JAK1: variants seen among roughly 807,000 people sequenced by gnomAD.
JAK1 encodes Janus kinase 1.
A neutral mutation model predicts 136.6 loss-of-function variants in JAK1; 16 were observed. That is an observed-to-expected ratio of 0.12 (90% CI 0.08 to 0.18). The LOEUF (loss-of-function observed/expected upper bound fraction) is 0.18. Among genes scored for constraint, JAK1 ranks in the 10% least tolerant of loss-of-function variants. JAK1 has a pLI of 1.00. For synonymous variants in JAK1, 492 were observed against 519.5 expected (o/e 0.95, Z 0.72); for missense variants, 859 against 1,450.1 (o/e 0.59, Z 6.62).
At chr1:65,057,542 A>G (rs1647601245) in intron 1 of JAK1, among the ~76,000 whole-genome samples, 1 of 151,954 alleles carries the variant, frequency 6.6e-6, no homozygotes, top group Non-Finnish European at 1.5e-5. Flanking sequence ...CTCTACTAAA[A>G]ATTTGCAGGT....
chr1:64,939,736 T>C (rs1645854687), intron 1 of JAK1, among the ~76,000 whole-genome samples: 1 of 152,170 alleles, frequency 6.6e-6, no homozygotes, highest in South Asian at 2.1e-4. Context: ...GGTTTCATTC[T>C]GCACTCTGAA....
At chr1:65,061,297 G>C (rs757528791) in intron 1 of JAK1, among the ~76,000 whole-genome samples, 40 of 152,220 alleles carry the variant, frequency 2.6e-4, no homozygotes, top group Admixed American at 1.4e-3. Context: ...AGCTACTTTG[G>C]AGGCTGAGGT....
intron 2 of JAK1, among the ~76,000 whole-genome samples, chr1:64,999,547 G>A (rs1320161641): frequency 6.6e-6 from 1 of 152,078 alleles, no homozygotes; most frequent in Non-Finnish European, 1.5e-5. Context: ...AGACCAGCCT[G>A]GGCAACATAG....
At chr1:65,042,626 A>T (rs1291751066) in intron 2 of JAK1, among the ~76,000 whole-genome samples, 1 of 152,172 alleles carries the variant, frequency 6.6e-6, no homozygotes, top group Non-Finnish European at 1.5e-5. Context: ...GCTGTCTTTG[A>T]TGCGGGTCCA....
intron 1 of JAK1, among the ~76,000 whole-genome samples, chr1:65,050,980 G>A (rs1473395363): frequency 2.6e-5 from 4 of 152,014 alleles, no homozygotes; most frequent in Non-Finnish European, 5.9e-5. Context: ...GTACACAGGC[G>A]CTCAACAAAT....
At chr1:64,954,704 A>C (rs1646151161) in intron 1 of JAK1, among the ~76,000 whole-genome samples, 1 of 152,258 alleles carries the variant, frequency 6.6e-6, no homozygotes, top group Admixed American at 6.5e-5. Flanking sequence ...AATATAAAAG[A>C]TATATACAAC....
intron 1 of JAK1, among the ~76,000 whole-genome samples, chr1:64,924,770 C>T (rs1434212534): frequency 6.6e-6 from 1 of 152,164 alleles, no homozygotes; most frequent in East Asian, 1.9e-4. Flanking sequence ...GCCACAAACA[C>T]CTTTATAGGA....
At chr1:64,997,762 C>G (rs1646716989) in intron 2 of JAK1, among the ~76,000 whole-genome samples, 1 of 152,106 alleles carries the variant, frequency 6.6e-6, no homozygotes, top group South Asian at 2.1e-4. Context: ...CCAGAACATA[C>G]AGAGTCCTGG....
intron 1 of JAK1, among the ~76,000 whole-genome samples, chr1:64,904,906 C>T (rs1352446069): frequency 2.0e-5 from 3 of 152,042 alleles, no homozygotes; most frequent in African/African-American, 2.4e-5. Context: ...GAAGGTAATG[C>T]CCGGAAAAAG....
At chr1:65,065,976 C>A (rs1267008567) in intron 1 of JAK1, among the ~76,000 whole-genome samples, 2 of 151,818 alleles carry the variant, frequency 1.3e-5, no homozygotes, top group Middle Eastern at 3.4e-3. Context: ...CAGATCACAA[C>A]TTGCCGGGGG....
chr1:64,980,781 T>G (rs767756775), intron 2 of JAK1, among the ~76,000 whole-genome samples: 1 of 149,392 alleles, frequency 6.7e-6, no homozygotes, highest in Non-Finnish European at 1.5e-5. Context: ...TGTCCGAGAG[T>G]TCTCATTGTT....
intron 2 of JAK1, among the ~76,000 whole-genome samples, chr1:64,997,978 T>C (rs1037287307): frequency 6.6e-6 from 1 of 152,152 alleles, no homozygotes; most frequent in African/African-American, 2.4e-5. Flanking sequence ...CAAATGACTA[T>C]ACAAACTTTT....
At chr1:64,905,582 T>C (rs1645177708) in intron 1 of JAK1, among the ~76,000 whole-genome samples, 1 of 152,128 alleles carries the variant, frequency 6.6e-6, no homozygotes, top group Non-Finnish European at 1.5e-5. Context: ...ACCCTCCCTG[T>C]CTTCACTCCC....
chr1:64,845,481 TG>T, intron 15 of JAK1, 31 bp downstream of exon 15: 3 of 1,613,662 alleles, frequency 1.9e-6, no homozygotes, highest in Non-Finnish European at 2.5e-6. Flanking sequence ...TGGTTTCTGG[TG>T]GGACCATTAT....
At position 64,839,687 on chromosome 1, in the gene JAK1, C is replaced by T. The variant is rs771621700; in HGVS notation, c.2758G>A (p.Ala920Thr). Residue 920 changes from alanine to threonine, a missense_variant, in exon 20 of 25, where the codon GCT becomes ACT. Around this residue, in one of 4 missense-constraint regions of JAK1, gnomAD observed 409 missense variants for 753.8 expected, o/e 0.54. Transcript: ENST00000342505. ...LKPESGGNHI[A>T]DLKKEIEILR... Reference sequence around the variant, plus strand: ...ATCTCGATTTCCTTTTTCAGATCAGCTATGTGGTTACCTCCACTCTCAGGC... The same window carrying T: ...ATCTCGATTTCCTTTTTCAGATCAGTTATGTGGTTACCTCCACTCTCAGGC... The T allele has an allele frequency of 1.2e-6, 2 of 1,614,188 alleles. No individual in the cohort carries two copies. Among genetic ancestry groups the T allele is most frequent in the Middle Eastern group, 3.3e-4 (2 of 6,062 alleles).
chr1:64,910,911 A>G (rs1433493206), intron 1 of JAK1, among the ~76,000 whole-genome samples: 2 of 151,940 alleles, frequency 1.3e-5, no homozygotes, highest in Non-Finnish European at 2.9e-5. Context: ...GAACATCAGC[A>G]AACAAACTGT....
chr1:65,008,478 C>G (rs1646821659), intron 2 of JAK1, among the ~76,000 whole-genome samples: 1 of 151,920 alleles, frequency 6.6e-6, no homozygotes, highest in Non-Finnish European at 1.5e-5. Context: ...CACTGTGTTT[C>G]TCAGGGTGGT....
chr1:64,872,088 C>T (rs987027460), intron 5 of JAK1, among the ~76,000 whole-genome samples: 13 of 152,210 alleles, frequency 8.5e-5, no homozygotes, highest in African/African-American at 2.7e-4. Flanking sequence ...CCCTCAGGGC[C>T]TTCCCCCATT....
chr1:64,954,910 G>A (rs1217962168), intron 1 of JAK1, among the ~76,000 whole-genome samples: 1 of 152,050 alleles, frequency 6.6e-6, no homozygotes, highest in Non-Finnish European at 1.5e-5. Context: ...TTATATAAAA[G>A]AAAACACATC....
Sources: gnomAD v4.1 joint callset for allele counts (sites outside exome capture counted in the v4.1 genomes callset) on GRCh38, gnomAD v4.1.1 for gene constraint, gnomAD v4.1.1 regional missense constraint, MANE v1.5 for transcripts, NCBI Gene and HGNC (gene_info 2026-07-23, HGNC 2026-07-21) for gene names.